CNTNAP2: variants seen among roughly 807,000 people sequenced by gnomAD.
CNTNAP2 encodes the protein contactin associated protein 2, also known as contactin-associated protein-like 2.
CNTNAP2 carries 98 observed loss-of-function variants against 155.2 expected under a neutral mutation model. The ratio of observed to expected loss-of-function variants is 0.63; its 90% CI spans 0.54 to 0.75. The LOEUF (loss-of-function observed/expected upper bound fraction) is 0.75. Ranked by LOEUF, CNTNAP2 falls within the 30% of genes least tolerant of loss-of-function variation. The pLI, the probability that CNTNAP2 is intolerant of heterozygous loss-of-function variation, is 0.00. For missense variants in CNTNAP2, 1,727 were observed against 1,688.1 expected (o/e 1.02, Z -0.40); for synonymous variants, 651 against 631.2 (o/e 1.03, Z -0.47).
chr7:146,678,415 T>C (rs1162523531), intron 1 of CNTNAP2, among the ~76,000 whole-genome samples: 1 of 152,148 alleles, frequency 6.6e-6, no homozygotes, highest in Non-Finnish European at 1.5e-5. Flanking sequence ...ATTTATAATT[T>C]TCAAATGCAG....
intron 1 of CNTNAP2, among the ~76,000 whole-genome samples, chr7:146,595,045 A>T (rs955749400): frequency 2.6e-5 from 4 of 152,204 alleles, no homozygotes; most frequent in Non-Finnish European, 4.4e-5. Flanking sequence ...GGATATGTTT[A>T]ACCACTGGCT....
chr7:147,764,065 T>C (rs185660687), intron 13 of CNTNAP2, among the ~76,000 whole-genome samples: 286 of 152,042 alleles, frequency 1.9e-3, no homozygotes, highest in Middle Eastern at 6.8e-3. Flanking sequence ...TACTTTACCT[T>C]TGCTGTGTCC....
intron 3 of CNTNAP2, among the ~76,000 whole-genome samples, chr7:146,877,022 TTAAG>T (rs1795442925): frequency 6.6e-6 from 1 of 152,182 alleles, no homozygotes; most frequent in South Asian, 2.1e-4. Context: ...ATTGATGACA[TTAAG>T]CATGTAAGAA....
chr7:146,979,615 C>G (rs1453949499), intron 3 of CNTNAP2, among the ~76,000 whole-genome samples: 1 of 152,142 alleles, frequency 6.6e-6, no homozygotes, highest in Non-Finnish European at 1.5e-5. Context: ...TGTGATCTCT[C>G]CAATCCTGTA....
intron 13 of CNTNAP2, among the ~76,000 whole-genome samples, chr7:147,835,622 T>C (rs1033972420): frequency 1.3e-5 from 2 of 152,182 alleles, no homozygotes; most frequent in Non-Finnish European, 2.9e-5. Context: ...GTGACTTCAA[T>C]TGTGTGCCCC....
At chr7:147,426,541 T>G (rs780913983) in intron 10 of CNTNAP2, among the ~76,000 whole-genome samples, 1 of 152,180 alleles carries the variant, frequency 6.6e-6, no homozygotes, top group Non-Finnish European at 1.5e-5. Context: ...AGTTTGTACT[T>G]TTTCTAATGT....
chr7:146,962,859 GA>G (rs1305563932), intron 3 of CNTNAP2: 1 of 152,124 alleles, frequency 6.6e-6, no homozygotes, highest in African/African-American at 2.4e-5. Flanking sequence ...CAACATTATA[GA>G]ATTTTAAATT....
chr7:146,794,096 G>C (rs1802725254), intron 2 of CNTNAP2, among the ~76,000 whole-genome samples: 1 of 152,186 alleles, frequency 6.6e-6, no homozygotes. Flanking sequence ...GATGCAATCA[G>C]ATTGACTCAA....
At chr7:146,451,808 C>CTATA (rs753597972) in intron 1 of CNTNAP2, among the ~76,000 whole-genome samples, 2 of 96,526 alleles carry the variant, frequency 2.1e-5, no homozygotes, top group Non-Finnish European at 4.6e-5. Context: ...AAGGTCTCTT[C>CTATA]TATATATATA....
chr7:147,904,974 G>T (rs1308152475), intron 14 of CNTNAP2, among the ~76,000 whole-genome samples: 1 of 151,838 alleles, frequency 6.6e-6, no homozygotes, highest in African/African-American at 2.4e-5. Context: ...AAAAGGGCAT[G>T]GTCTTTGAAA....
chr7:146,784,275 C>T (rs1802537211), intron 2 of CNTNAP2, among the ~76,000 whole-genome samples: 1 of 152,144 alleles, frequency 6.6e-6, no homozygotes, highest in Non-Finnish European at 1.5e-5. Context: ...ACATTGATCC[C>T]TGCTGCCGCC....
chr7:147,558,917 A>G (rs192434727), intron 11 of CNTNAP2, among the ~76,000 whole-genome samples: 2 of 152,160 alleles, frequency 1.3e-5, no homozygotes, highest in East Asian at 3.9e-4. Flanking sequence ...TAATTTTTGT[A>G]TTTTTAGAAA....
intron 13 of CNTNAP2, among the ~76,000 whole-genome samples, chr7:147,818,629 A>G (rs1344540448): frequency 6.6e-6 from 1 of 152,034 alleles, no homozygotes; most frequent in Admixed American, 6.6e-5. Context: ...CGTTTCCCCT[A>G]TCTCTATTTT....
chr7:146,651,745 A>G (rs1799915263), intron 1 of CNTNAP2, among the ~76,000 whole-genome samples: 1 of 152,144 alleles, frequency 6.6e-6, no homozygotes, highest in South Asian at 2.1e-4. Flanking sequence ...AAACCAATGA[A>G]CTAATTCATC....
chr7:147,555,864 T>C (rs1799942099), intron 11 of CNTNAP2, among the ~76,000 whole-genome samples: 1 of 152,358 alleles, frequency 6.6e-6, no homozygotes, highest in Non-Finnish European at 1.5e-5. Flanking sequence ...GCTCTTCTCC[T>C]AGGGAATAGG....
intron 13 of CNTNAP2, among the ~76,000 whole-genome samples, chr7:147,703,852 G>A (rs562317323): frequency 5.3e-5 from 8 of 151,874 alleles, no homozygotes; most frequent in Non-Finnish European, 1.2e-4. Flanking sequence ...TCTTCGTCTC[G>A]CTCCCCCATG....
At chr7:147,043,616 A>C (rs1404834346) in intron 3 of CNTNAP2, among the ~76,000 whole-genome samples, 1 of 152,168 alleles carries the variant, frequency 6.6e-6, no homozygotes, top group Non-Finnish European at 1.5e-5. Context: ...AAATATTAGA[A>C]CTCATTTCAA....
intron 13 of CNTNAP2, among the ~76,000 whole-genome samples, chr7:147,743,775 TC>T (rs1372500472): frequency 6.6e-6 from 1 of 152,024 alleles, no homozygotes; most frequent in Non-Finnish European, 1.5e-5. Context: ...GCCAGCCATC[TC>T]TTCAGTCCCA....
intron 1 of CNTNAP2, among the ~76,000 whole-genome samples, chr7:146,378,379 CGATGAT>C (rs754671147): frequency 6.6e-6 from 1 of 151,968 alleles, no homozygotes; most frequent in South Asian, 2.1e-4. Flanking sequence ...TAGATCATGA[CGATGAT>C]GATGATGATG....
Sources: allele counts gnomAD v4.1 joint callset (sites outside exome capture counted in the v4.1 genomes callset), GRCh38; gene constraint gnomAD v4.1.1; transcripts MANE v1.5; gene names NCBI Gene and HGNC (gene_info 2026-07-23, HGNC 2026-07-21).